The following SHISA9 variants were observed in gnomAD, a reference collection of about 807,000 sequenced individuals.
SHISA9 encodes the protein shisa family member 9.
In SHISA9, 13 loss-of-function variants were observed where a neutral mutation model predicts 38.0. The observed-to-expected ratio is 0.34, with a 90% CI of 0.22 to 0.54. SHISA9 has a LOEUF of 0.54. Among genes scored for constraint, SHISA9 ranks in the 20% least tolerant of loss-of-function variants. The probability of loss-of-function intolerance (pLI) is 0.91; values close to 1 mark genes in which losing one functional copy is unlikely to be tolerated. For missense variants in SHISA9, 538 were observed against 575.8 expected (o/e 0.93, Z 0.67); for synonymous variants, 275 against 242.0 (o/e 1.14, Z -1.27).
the SHISA9 span, among the ~76,000 whole-genome samples, chr16:13,390,127 T>G: frequency 3.7e-4 from 2 of 5,460 alleles, no homozygotes; most frequent in African/African-American, 1.3e-3. Context: ...TTCTAACCTT[T>G]TTTTTTTTTT....
intron 1 of SHISA9, among the ~76,000 whole-genome samples, chr16:12,908,098 G>A (rs2071126996): frequency 6.7e-6 from 1 of 148,622 alleles, no homozygotes; most frequent in African/African-American, 2.5e-5. Context: ...ACTGAGACAG[G>A]GCTTGGAAAA....
Position 12,931,231 on chromosome 16 carries a change from C to T in SHISA9, c.691+14416C>T, listed in dbSNP as rs567668498. On this transcript the variant is annotated intron_variant, in intron 2 of 4. Coordinates refer to ENST00000558583, the MANE Select transcript of SHISA9 (RefSeq NM_001145204.3). ...TTCTTGCTTACCTTTTCCTGGTTTT[C>T]GATCTTTGTGTGTTATTGAAGTTGC... Among the ~76,000 whole-genome samples, 3 of 152,222 alleles carry T rather than the reference C, an allele frequency of 2.0e-5. No homozygotes were observed. In the South Asian group the frequency reaches 6.2e-4, roughly 32 times the overall value.
intron 2 of SHISA9, among the ~76,000 whole-genome samples, chr16:13,000,138 C>T (rs569330192): frequency 4.6e-5 from 7 of 151,984 alleles, no homozygotes; most frequent in Non-Finnish European, 8.8e-5. Flanking sequence ...GCATTCAAGT[C>T]AAAGGTTTGG....
chr16:12,919,849 C>T (rs1278230782), intron 2 of SHISA9, among the ~76,000 whole-genome samples: 1 of 152,224 alleles, frequency 6.6e-6, no homozygotes, highest in Non-Finnish European at 1.5e-5. Flanking sequence ...GCCTCAACCT[C>T]TTTGATTAAC....
At chr16:13,201,380 G>T (rs2051004934) in intron 2 of SHISA9, among the ~76,000 whole-genome samples, 1 of 135,744 alleles carries the variant, frequency 7.4e-6, no homozygotes, top group Admixed American at 7.2e-5. Context: ...CAACACAGAT[G>T]TTATGTAAAT....
the SHISA9 span, among the ~76,000 whole-genome samples, chr16:13,275,685 G>C: frequency 6.6e-6 from 1 of 151,820 alleles, no homozygotes; most frequent in African/African-American, 2.4e-5. Context: ...GTGTTTTATA[G>C]AACTCACCAA....
At chr16:12,926,722 G>A (rs1419656044) in intron 2 of SHISA9, among the ~76,000 whole-genome samples, 4 of 152,170 alleles carry the variant, frequency 2.6e-5, no homozygotes, top group Non-Finnish European at 5.9e-5. Context: ...ATACTAGGAT[G>A]GCCTTTCCTG....
chr16:13,208,576 C>T (rs2051089757), intron 3 of SHISA9, among the ~76,000 whole-genome samples: 1 of 151,808 alleles, frequency 6.6e-6, no homozygotes, highest in Non-Finnish European at 1.5e-5. Flanking sequence ...GGACATGCAC[C>T]ACCTAGTCAT....
At chr16:13,509,446 A>C in the SHISA9 span, among the ~76,000 whole-genome samples, 1 of 152,136 alleles carries the variant, frequency 6.6e-6, no homozygotes, top group South Asian at 2.1e-4. Context: ...GTCCTGCACA[A>C]TTCTCAGTAG....
chr16:13,102,017 G>A (rs1296100480), intron 2 of SHISA9, among the ~76,000 whole-genome samples: 1 of 152,194 alleles, frequency 6.6e-6, no homozygotes, highest in Admixed American at 6.5e-5. Context: ...GCTGCCTCTT[G>A]CAGGTGCAGG....
chr16:13,036,120 A>G (rs2073058276), intron 2 of SHISA9, among the ~76,000 whole-genome samples: 1 of 152,220 alleles, frequency 6.6e-6, no homozygotes, highest in Non-Finnish European at 1.5e-5. Flanking sequence ...CATATGACAC[A>G]TCAATTCCAC....
chr16:13,156,358 C>G (rs1467231428), intron 2 of SHISA9, among the ~76,000 whole-genome samples: 1 of 152,130 alleles, frequency 6.6e-6, no homozygotes, highest in African/African-American at 2.4e-5. Context: ...TGAGTGTTAG[C>G]CCATTATTAA....
the SHISA9 span, among the ~76,000 whole-genome samples, chr16:13,329,415 C>T: frequency 6.6e-6 from 1 of 152,108 alleles, no homozygotes; most frequent in African/African-American, 2.4e-5. Flanking sequence ...ATGACACTGC[C>T]TTACTGGGTT....
At chr16:12,911,368 T>G in intron 1 of SHISA9, 2 of 985,434 alleles carry the variant, frequency 2.0e-6, no homozygotes, top group Non-Finnish European at 2.4e-6. Context: ...ATTCATTACA[T>G]TTTTTCAGCA....
chr16:13,469,149 G>A, the SHISA9 span, among the ~76,000 whole-genome samples: 68 of 151,482 alleles, frequency 4.5e-4, no homozygotes, highest in African/African-American at 1.6e-3. Flanking sequence ...GGCTGAGGCA[G>A]GAGAACAGCT....
chr16:13,462,592 G>A, the SHISA9 span, among the ~76,000 whole-genome samples: 2 of 152,188 alleles, frequency 1.3e-5, no homozygotes, highest in African/African-American at 4.8e-5. Flanking sequence ...GGGAGGCAGA[G>A]GCAGGCAGAT....
the SHISA9 span, among the ~76,000 whole-genome samples, chr16:13,328,446 CTT>C: frequency 1.4e-5 from 2 of 142,102 alleles, no homozygotes; most frequent in African/African-American, 2.6e-5. Context: ...GAATTTTACT[CTT>C]GTCACCCAGG....
chr16:13,184,172 G>A (rs1027748204), intron 2 of SHISA9, among the ~76,000 whole-genome samples: 2 of 152,116 alleles, frequency 1.3e-5, no homozygotes, highest in African/African-American at 2.4e-5. Context: ...TTGGGAAGAG[G>A]CAGGATGGTT....
At chr16:13,039,485 G>T (rs972814372) in intron 2 of SHISA9, among the ~76,000 whole-genome samples, 12 of 126,824 alleles carry the variant, frequency 9.5e-5, no homozygotes, top group African/African-American at 3.1e-4. Context: ...ATGTCATGGG[G>T]TTTTTTTTTT....
Sources: gnomAD v4.1 joint callset for allele counts (sites outside exome capture counted in the v4.1 genomes callset) on GRCh38, gnomAD v4.1.1 for gene constraint, MANE v1.5 for transcripts, NCBI Gene and HGNC (gene_info 2026-07-23, HGNC 2026-07-21) for gene names.